HRNR: variants seen among roughly 807,000 people sequenced by gnomAD.
HRNR encodes filaggrin family member 3.
HRNR carries 7 observed loss-of-function variants against 4.8 expected under a neutral mutation model. The ratio of observed to expected loss-of-function variants is 1.47; its 90% CI spans 0.83 to 2.75. The LOEUF (loss-of-function observed/expected upper bound fraction) is 2.75, where lower values mean the gene tolerates loss of function less well. HRNR is among the 30% of genes most tolerant of loss of function. HRNR has a pLI of 0.00. For missense variants in HRNR, 2,879 were observed against 3,010.4 expected, an observed-to-expected ratio of 0.96 and a Z score of 1.02; for synonymous variants, 1,023 against 1,242.7, an observed-to-expected ratio of 0.82 and a Z score of 3.72.
In HRNR at chr1:152,220,479, C is replaced by A. The variant is rs144898490; in HGVS notation, c.1150G>T (p.Ala384Ser). Residue 384 changes from alanine (A) to serine (S), a missense_variant, in exon 3 of 3, where the codon GCA becomes TCA. Transcript: ENST00000368801. ...QGQHGSTSGQ[A>S]SSSGQHGSSS... ...GAGCCATGTTGGCCAGAGCTTGATG[C>A]CTGCCCTGACGTAGATCCATGTTGT... The A allele has an allele frequency of 4.3e-6, 7 of 1,610,288 alleles. No individual in the cohort carries two copies. The highest frequency in any genetic ancestry group is 4.1e-5 in the African/African-American group (3 of 74,066).
chr1:152,222,753 G>A (rs1464234610), intron 2 of HRNR, among the ~76,000 whole-genome samples: 2 of 152,164 alleles, frequency 1.3e-5, no homozygotes, highest in African/African-American at 4.8e-5. Flanking sequence ...ATCTAGACCT[G>A]ACAGTTTTAA....
Position 152,213,213 on chromosome 1 carries a change from C to G in HRNR, c.8416G>C (p.Gly2806Arg), listed in dbSNP as rs780774579. The G allele has an allele frequency of 6.2e-6, 10 of 1,614,032 alleles. No individual in the cohort carries two copies. Among genetic ancestry groups the G allele is most frequent in the Non-Finnish European group, 8.5e-6 (10 of 1,180,038 alleles). The change falls in exon 3 of 3, where the codon GGG (glycine) becomes CGG (arginine). Residue 2806 changes from glycine to arginine, a missense_variant. Gly to Arg is a moderately radical substitution (Grantham distance 125, BLOSUM62 -2). This residue lies in a region of HRNR where 158 missense variants were observed against 107.6 expected (regional missense o/e 1.47). Transcript: ENST00000368801. ...TTGCAATAAGAATACCCATCTTGCC[C>G]TGAGCCACTTCCATGCTGACTATAA... ...SGYSQHGSGSGQDGYSYCKGG... is the reference protein window; with the variant it reads ...SGYSQHGSGSRQDGYSYCKGG...
rs1212336398 is a variant in HRNR, at chr1:152,219,356, C to T, written c.2273G>A (p.Gly758Asp). 1.3e-5 allele frequency: 21 copies of T among 1,612,364 alleles called. No homozygotes were observed. The highest frequency in any genetic ancestry group is 1.7e-5 in the Admixed American group (1 of 59,848). ...GCCGTGGCCCGAAGATTGATGGGAG[C>T]CCGACCCATGCTGACCATAGCTGGA... ...LSSSYGQHGSGSHQSSGHGRQ... is the reference protein window; with the variant it reads ...LSSSYGQHGSDSHQSSGHGRQ... The change falls in exon 3 of 3, where the codon GGC (glycine) becomes GAC (aspartate). Residue 758 changes from glycine to aspartate, a missense_variant. Transcript: ENST00000368801.
intron 2 of HRNR, 35 bp from the exon 3 acceptor site, chr1:152,221,525 T>C (rs973589681): frequency 6.8e-7 from 1 of 1,461,806 alleles, no homozygotes; most frequent in African/African-American, 1.4e-5. Context: ...GTAGCTCTGT[T>C]AGTATGGACA....
chr1:152,220,928 T>C lies in HRNR; in HGVS notation c.701A>G (p.His234Arg), dbSNP rs1415359216. 2.5e-6 allele frequency: 4 copies of C among 1,612,298 alleles called. No homozygotes were observed. The highest frequency in any genetic ancestry group is 3.4e-6 in the Non-Finnish European group (4 of 1,178,374). Residue 234 changes from histidine to arginine, a missense_variant, in exon 3 of 3, where the codon CAC (histidine) becomes CGC (arginine). Physicochemically the swap from His to Arg is conservative, Grantham distance 29 (BLOSUM62 0). Coordinates refer to ENST00000368801, the MANE Select transcript of HRNR (RefSeq NM_001009931.3). ...AGAGGACTGCCCTGAGCTAGACTTG[T>C]GTTGACTAAAGCCAGAAGACTGGCC... ...GSGQSSGFSQ[H>R]KSSSGQSSGY...
chr1:152,221,002 G>T lies in HRNR; in HGVS notation c.627C>A (p.Gly209=), dbSNP rs746979385. The change falls in exon 3 of 3, where the codon GGC becomes GGA. Residue 209 remains glycine, a synonymous_variant. Transcript: ENST00000368801. ...SGQSPNYGQH[G]SGSGQSSSND... is the part of the protein sequence containing the mutation. ...TGCTGGAAGACTGTCCGGAGCCAGAGCCGTGTTGGCCATAGTTGGGAGACT... is the reference window on the plus strand; with the variant it reads ...TGCTGGAAGACTGTCCGGAGCCAGATCCGTGTTGGCCATAGTTGGGAGACT... 4 of 1,613,868 alleles carry T rather than the reference G, an allele frequency of 2.5e-6. No homozygotes were observed. The highest frequency in any genetic ancestry group is 1.7e-5 in the Admixed American group (1 of 59,994).
At position 152,213,200 on chromosome 1, in the gene HRNR, T is replaced by G. The variant is rs1648455441; in HGVS notation, c.8429A>C (p.Tyr2810Ser). The change falls in exon 3 of 3, where the codon TAT (tyrosine) becomes TCT (serine). Residue 2810 changes from tyrosine to serine, a missense_variant. Around this residue, in one of 8 missense-constraint regions of HRNR, gnomAD observed 158 missense variants for 107.6 expected, o/e 1.47. Transcript: ENST00000368801. Reference protein sequence around the residue: ...QHGSGSGQDGYSYCKGGSNHD... With the variant: ...QHGSGSGQDGSSYCKGGSNHD... Reference sequence around the variant, plus strand: ...GTTACTTCCTCCTTTGCAATAAGAATACCCATCTTGCCCTGAGCCACTTCC... The same window carrying G: ...GTTACTTCCTCCTTTGCAATAAGAAGACCCATCTTGCCCTGAGCCACTTCC... 5 of 1,614,142 alleles carry G rather than the reference T, an allele frequency of 3.1e-6. No homozygotes were observed. The highest frequency in any genetic ancestry group is 4.2e-6 in the Non-Finnish European group (5 of 1,180,022).
In HRNR at chr1:152,219,140, T is replaced by G. The variant is rs1380699379; in HGVS notation, c.2489A>C (p.Gln830Pro). The G allele has an allele frequency of 1.2e-6, 2 of 1,613,552 alleles. No individual in the cohort carries two copies. Among genetic ancestry groups the G allele is most frequent in the Non-Finnish European group, 1.7e-6 (2 of 1,179,970 alleles). The change falls in exon 3 of 3, where the codon CAG becomes CCG. Residue 830 changes from glutamine (Q) to proline (P), a missense_variant. Physicochemically the swap from Gln to Pro is moderately conservative, Grantham distance 76 (BLOSUM62 -1). Transcript: ENST00000368801. ...GAAGTGACCTGAGGCAGAACCATGC[T>G]GACTATAGCCCTGTCCTGAGCCAGA... is the stretch of plus-strand genomic sequence containing the variant. ...HESGSGQGYSQHGSASGHFSS... is the reference protein window; with the variant it reads ...HESGSGQGYSPHGSASGHFSS...
chr1:152,220,225 G>C lies in HRNR; in HGVS notation c.1404C>G (p.His468Gln). ...GSGYSSGFGH[H>Q]ESSSEHSSGY... ...CAGAGGAATGCTCTGAGCTAGACTC[G>C]TGGTGACCAAAGCCAGAAGAGTAGC... The change falls in exon 3 of 3, where the codon CAC becomes CAG. Residue 468 changes from histidine (H) to glutamine (Q), a missense_variant. Physicochemically the swap from His to Gln is conservative, Grantham distance 24 (BLOSUM62 0). Around this residue, in one of 8 missense-constraint regions of HRNR, gnomAD observed 2,646 missense variants for 1,377.7 expected, o/e 1.92. Transcript: ENST00000368801. The C allele has an allele frequency of 6.2e-7, 1 of 1,613,380 alleles. No homozygotes were observed. The highest frequency in any genetic ancestry group is 8.5e-7 in the Non-Finnish European group (1 of 1,179,680).
Position 152,221,469 on chromosome 1 carries a change from C to T in HRNR, c.160G>A (p.Val54Met), listed in dbSNP as rs1219995393. 6.2e-7 allele frequency: 1 copy of T among 1,606,852 alleles called. No individual in the cohort carries two copies. Among genetic ancestry groups the T allele is most frequent in the African/African-American group, 1.3e-5 (1 of 74,816 alleles). ...ILKNPNDPDT[V>M]DIILQSLDRD... The stretch of plus-strand genomic sequence containing the variant: ...TCCAGACTTTGCAAGATGATATCCA[C>T]AGTATCTGGATCGTTTGGATTCTGT... Residue 54 changes from valine to methionine, a missense_variant, in exon 3 of 3, where the codon GTG becomes ATG. By Grantham distance (21) the Val-to-Met change is conservative (BLOSUM62 1). Coordinates refer to ENST00000368801, the MANE Select transcript of HRNR (RefSeq NM_001009931.3).
rs1483110739 is a variant in HRNR, at chr1:152,219,286, A to C, written c.2343T>G (p.His781Gln). 4 of 1,612,430 alleles carry C rather than the reference A, an allele frequency of 2.5e-6. No individual in the cohort carries two copies. Among genetic ancestry groups the C allele is most frequent in the Non-Finnish European group, 3.4e-6 (4 of 1,179,768 alleles). Residue 781 changes from histidine to glutamine, a missense_variant, in exon 3 of 3, where the codon CAT becomes CAG. Transcript: ENST00000368801. Reference protein sequence around the residue: ...GSGHSPSRVRHGSSSGHSSSH... With the variant: ...GSGHSPSRVRQGSSSGHSSSH... ...TGGAGGAGTGCCCTGAACTGGACCC[A>C]TGTCGGACACGGCTAGGAGAGTGGC...
chr1:152,213,453 T>C lies in HRNR; in HGVS notation c.8176A>G (p.Thr2726Ala). Residue 2726 changes from threonine to alanine, a missense_variant, in exon 3 of 3, where the codon ACA becomes GCA. Around this residue, in one of 8 missense-constraint regions of HRNR, gnomAD observed 20 missense variants for 61.1 expected, o/e 0.33. Coordinates refer to ENST00000368801, the MANE Select transcript of HRNR (RefSeq NM_001009931.3). Reference protein sequence around the residue: ...HFCSQGQHGSTSGQSSTFDQE... With the variant: ...HFCSQGQHGSASGQSSTFDQE... ...TCAAAGGTTGATGACTGTCCTGATGTAGAACCATGCTGTCCTTGGCTACAG... is the reference window on the plus strand; with the variant it reads ...TCAAAGGTTGATGACTGTCCTGATGCAGAACCATGCTGTCCTTGGCTACAG... The C allele has an allele frequency of 7.2e-7, 1 of 1,383,084 alleles. No individual in the cohort carries two copies. The allele number at this position is 1,383,084 out of a possible 1,614,324, so 85.7% of individuals were successfully genotyped here. A position where few individuals can be genotyped will look rare whatever the true frequency, so the allele number is the denominator to read the frequency against.
In HRNR at chr1:152,213,483, G is replaced by T. The variant is rs749325574; in HGVS notation, c.8146C>A (p.His2716Asn). The change falls in exon 3 of 3, where the codon CAC (histidine) becomes AAC (asparagine). Residue 2716 changes from histidine (H) to asparagine (N), a missense_variant. Transcript: ENST00000368801. ...AYSQHGSGSG[H>N]FCSQGQHGST... ...CCATGCTGTCCTTGGCTACAGAAGT[G>T]CCCTGAGCCACTACCATGCTGACTG... is the stretch of plus-strand genomic sequence containing the variant. The T allele has an allele frequency of 5.2e-5, 72 of 1,396,604 alleles. 1 individual carries two copies. In the African/African-American group the frequency reaches 8.1e-4, roughly 16 times the overall value. The allele number at this position is 1,396,604 out of a possible 1,614,324, so 86.5% of individuals were successfully genotyped here. A position where few individuals can be genotyped will look rare whatever the true frequency, so the allele number is the denominator to read the frequency against.
At position 152,219,215 on chromosome 1, in the gene HRNR, C is replaced by T. The variant is rs201507766; in HGVS notation, c.2414G>A (p.Gly805Asp). 3.3e-5 allele frequency: 53 copies of T among 1,613,742 alleles called. No homozygotes were observed. The Middle Eastern group carries it at 4.3e-3, about 130-fold the overall frequency. The change falls in exon 3 of 3, where the codon GGC becomes GAC. Residue 805 changes from glycine to aspartate, a missense_variant. Physicochemically the swap from Gly to Asp is moderately conservative, Grantham distance 94. This residue lies in a region of HRNR where 2,646 missense variants were observed against 1,377.7 expected (regional missense o/e 1.92). Transcript: ENST00000368801. ...GSGTSCSSSC[G>D]HYESGSGQAS... ...CTGGCCTGAGCCAGACTCATAATGGCCACAGCTGGAAGAACAACTTGTGCC... is the reference window on the plus strand; with the variant it reads ...CTGGCCTGAGCCAGACTCATAATGGTCACAGCTGGAAGAACAACTTGTGCC...
chr1:152,220,192 A>G lies in HRNR; in HGVS notation c.1437T>C (p.Thr479=). Residue 479 remains threonine, a synonymous_variant, in exon 3 of 3, where the codon ACT becomes ACC. Transcript: ENST00000368801. ...AGTGACCTGAGCCAGATCCATGCTGAGTGTAACCAGAGGAATGCTCTGAGC... is the reference window on the plus strand; with the variant it reads ...AGTGACCTGAGCCAGATCCATGCTGGGTGTAACCAGAGGAATGCTCTGAGC... ...ESSSEHSSGY[T]QHGSGSGHSS... is the part of the protein sequence containing the mutation. 6 of 1,613,602 alleles carry G rather than the reference A, an allele frequency of 3.7e-6. No individual in the cohort carries two copies. The highest frequency in any genetic ancestry group is 1.1e-5 in the South Asian group (1 of 91,052).
rs1648906918 is a variant in HRNR at position 152,220,181 on chromosome 1, GA to G, written c.1447del (p.Ser483LeufsTer102). 1.2e-6 allele frequency: 2 copies of G among 1,613,294 alleles called. No homozygotes were observed. Among genetic ancestry groups the G allele is most frequent in the Middle Eastern group, 3.3e-4 (2 of 6,058 alleles). On this transcript the variant is annotated frameshift_variant, in exon 3 of 3. Transcript: ENST00000368801. LOFTEE classifies it low-confidence loss of function (END_TRUNC). Reference sequence around the variant, plus strand: ...GTGGCCGGAGGAGTGACCTGAGCCAGATCCATGCTGAGTGTAACCAGAGGAA... The same window carrying G: ...GTGGCCGGAGGAGTGACCTGAGCCAGTCCATGCTGAGTGTAACCAGAGGAA... Reference protein sequence around the residue: ...EHSSGYTQHGSGSGHSSGHGQ... With the variant: ...EHSSGYTQHGXGSGHSSGHGQ...
In HRNR at chr1:152,213,201, A is replaced by G. The variant is rs767685767; in HGVS notation, c.8428T>C (p.Tyr2810His). ...TTACTTCCTCCTTTGCAATAAGAAT[A>G]CCCATCTTGCCCTGAGCCACTTCCA... is the stretch of plus-strand genomic sequence containing the variant. ...QHGSGSGQDG[Y>H]SYCKGGSNHD... Residue 2810 changes from tyrosine (Y) to histidine (H), a missense_variant, in exon 3 of 3, where the codon TAT becomes CAT. Tyr to His is a moderately conservative substitution (Grantham distance 83). Transcript: ENST00000368801. The G allele has an allele frequency of 1.2e-6, 2 of 1,614,128 alleles. No homozygotes were observed. Among genetic ancestry groups the G allele is most frequent in the East Asian group, 2.2e-5 (1 of 44,888 alleles).
chr1:152,222,493 G>A (rs1649031540), intron 2 of HRNR, among the ~76,000 whole-genome samples: 1 of 152,148 alleles, frequency 6.6e-6, no homozygotes. Context: ...GATTATTGAT[G>A]AGTTAGATGG....
chr1:152,220,119 C>G lies in HRNR; in HGVS notation c.1510G>C (p.Gly504Arg). 6.2e-7 allele frequency: 1 copy of G among 1,612,632 alleles called. No homozygotes were observed. Among genetic ancestry groups the G allele is most frequent in the Non-Finnish European group, 8.5e-7 (1 of 1,179,302 alleles). Reference sequence around the variant, plus strand: ...CCTGCACTAGATCCTTGTCGTTCACCCCTAGATGACTGTCCTGACCTAGAG... The same window carrying G: ...CCTGCACTAGATCCTTGTCGTTCACGCCTAGATGACTGTCCTGACCTAGAG... ...HGSRSGQSSR[G>R]ERQGSSAGSS... The change falls in exon 3 of 3, where the codon GGT (glycine) becomes CGT (arginine). Residue 504 changes from glycine to arginine, a missense_variant. Physicochemically the swap from Gly to Arg is moderately radical, Grantham distance 125. Around this residue, in one of 8 missense-constraint regions of HRNR, gnomAD observed 2,646 missense variants for 1,377.7 expected, o/e 1.92. Transcript: ENST00000368801.
Sources: allele counts gnomAD v4.1 joint callset (sites outside exome capture counted in the v4.1 genomes callset), GRCh38; gene constraint gnomAD v4.1.1; regional missense constraint gnomAD v4.1.1; transcripts MANE v1.5; gene names NCBI Gene and HGNC (gene_info 2026-07-23, HGNC 2026-07-21).